Variants in ADAMTS7 observed in about 807,000 individuals in gnomAD.
The protein encoded by ADAMTS7 is A disintegrin and metalloproteinase with thrombospondin motifs 7.
A neutral mutation model predicts 172.6 loss-of-function variants in ADAMTS7; 89 were observed. That is an observed-to-expected ratio of 0.52 (90% CI 0.43 to 0.61). The LOEUF is 0.61. Ranked by LOEUF, ADAMTS7 falls within the 20% of genes least tolerant of loss-of-function variation. The pLI, the probability that ADAMTS7 is intolerant of heterozygous loss-of-function variation, is 0.00. For missense variants in ADAMTS7, 1,973 were observed against 2,355.6 expected (o/e 0.84, Z 3.36); for synonymous variants, 885 against 978.4 (o/e 0.90, Z 1.78).
At chr15:78,779,148 C>G (rs1376253461) in intron 8 of ADAMTS7, among the ~76,000 whole-genome samples, 1 of 152,174 alleles carries the variant, frequency 6.6e-6, no homozygotes, top group East Asian at 1.9e-4. Flanking sequence ...CCCTGGAATC[C>G]TCCTGGAATC....
At chr15:78,789,633 C>G in intron 7 of ADAMTS7, 56 bp downstream of exon 7, 1 of 1,600,870 alleles carries the variant, frequency 6.2e-7, no homozygotes, top group Non-Finnish European at 8.5e-7. Flanking sequence ...CCGGTGCCCC[C>G]AGGCTGCGAG....
At chr15:78,776,467 C>T in intron 10 of ADAMTS7, 134 bp from the exon 11 acceptor site, 3 of 1,268,296 alleles carry the variant, frequency 2.4e-6, no homozygotes, top group Non-Finnish European at 3.3e-6. Context: ...GAGGCACCCT[C>T]ACAATCATCA....
At chr15:78,786,325 A>T (rs2055502488) in intron 8 of ADAMTS7, among the ~76,000 whole-genome samples, 1 of 152,146 alleles carries the variant, frequency 6.6e-6, no homozygotes, top group Non-Finnish European at 1.5e-5. Flanking sequence ...TTGCTGCCCC[A>T]TTTGCATCTC....
Position 78,766,879 on chromosome 15 carries a change from G to A in ADAMTS7, c.3032C>T (p.Ser1011Phe). ...LGPEGSGSGS[S>F]SHELFNEADF... ...AGCCTCGTTGAAGAGCTCGTGGCTG[G>A]AGGAGCCGCTGCCTGAGCCTTCAGG... The change falls in exon 19 of 24, where the codon TCC becomes TTC. Residue 1011 changes from serine to phenylalanine, a missense_variant. Ser to Phe is a radical substitution (Grantham distance 155, BLOSUM62 -2). Coordinates refer to ENST00000388820, the MANE Select transcript of ADAMTS7 (RefSeq NM_014272.5). 1 of 1,609,468 alleles carries A rather than the reference G, an allele frequency of 6.2e-7. No homozygotes were observed. The highest frequency in any genetic ancestry group is 8.5e-7 in the Non-Finnish European group (1 of 1,178,962).
At chr15:78,765,533 C>T in intron 19 of ADAMTS7, 112 bp downstream of exon 19, 2 of 1,530,204 alleles carry the variant, frequency 1.3e-6, no homozygotes, top group Non-Finnish European at 1.8e-6. Context: ...ACCCCTGCCC[C>T]AAGAGAGGCT....
At chr15:78,759,694 CCA>C in intron 23 of ADAMTS7, 116 bp from the exon 24 acceptor site, 1 of 1,298,306 alleles carries the variant, frequency 7.7e-7, no homozygotes, top group Non-Finnish European at 1.0e-6. Context: ...GCAGAGAGCC[CCA>C]GTTTCTGGAG....
At chr15:78,761,784 C>A (rs1309982345) in intron 23 of ADAMTS7, 18 of 941,468 alleles carry the variant, frequency 1.9e-5, no homozygotes, top group Non-Finnish European at 2.3e-5. Context: ...ATGCTGGAGG[C>A]GGCGGCAGGG....
intron 8 of ADAMTS7, 86 bp downstream of exon 8, chr15:78,788,145 G>A: frequency 6.5e-7 from 1 of 1,548,318 alleles, no homozygotes; most frequent in Non-Finnish European, 8.8e-7. Context: ...CTCTACCCCG[G>A]CCCTGCAGTA....
At chr15:78,776,368 C>G (rs1254943128) in intron 10 of ADAMTS7, 35 bp from the exon 11 acceptor site, 2 of 1,597,398 alleles carry the variant, frequency 1.3e-6, no homozygotes, top group African/African-American at 1.3e-5. Context: ...CCACCCCACC[C>G]CCAAGTCTAT....
chr15:78,788,384 A>G lies in ADAMTS7; in HGVS notation c.1179-10T>C, dbSNP rs1386215469. The G allele has an allele frequency of 1.2e-6, 2 of 1,612,052 alleles. No individual in the cohort carries two copies. Among genetic ancestry groups the G allele is most frequent in the Non-Finnish European group, 8.5e-7 (1 of 1,179,698 alleles). On this transcript the variant is annotated splice_polypyrimidine_tract_variant and intron_variant, in intron 7 of 23. Coordinates refer to ENST00000388820, the MANE Select transcript of ADAMTS7 (RefSeq NM_014272.5). ...ATGCTGAATGCCAAAACTGTGTGAG[A>G]GCACAGGCCCCAGGGGCGGGTGAGC...
At chr15:78,765,543 T>G (rs2055125356) in intron 19 of ADAMTS7, 102 bp downstream of exon 19, 13 of 1,554,684 alleles carry the variant, frequency 8.4e-6, no homozygotes, top group East Asian at 6.7e-5. Context: ...CAAGAGAGGC[T>G]AGACAGACGG....
At chr15:78,775,649 C>T (rs2055331733) in intron 11 of ADAMTS7, among the ~76,000 whole-genome samples, 1 of 152,166 alleles carries the variant, frequency 6.6e-6, no homozygotes, top group Non-Finnish European at 1.5e-5. Context: ...CTCCCAGCTG[C>T]TCCGTCTCAT....
intron 8 of ADAMTS7, among the ~76,000 whole-genome samples, chr15:78,786,501 T>G (rs2055504449): frequency 6.6e-6 from 1 of 152,216 alleles, no homozygotes; most frequent in Admixed American, 6.5e-5. Context: ...TTACTTCAAA[T>G]GCAGAAAGAA....
intron 8 of ADAMTS7, among the ~76,000 whole-genome samples, chr15:78,777,933 G>C (rs1326527996): frequency 6.6e-6 from 1 of 152,174 alleles, no homozygotes; most frequent in Non-Finnish European, 1.5e-5. Context: ...CTCCGTGTCT[G>C]AGCCCAGACC....
rs1390606397 is a variant in ADAMTS7 at position 78,776,762 on chromosome 15, C to T, written c.1547G>A (p.Cys516Tyr). The T allele has an allele frequency of 2.6e-6, 4 of 1,550,786 alleles. No individual in the cohort carries two copies. The Admixed American group carries it at 5.9e-5, about 23-fold the overall frequency. Residue 516 changes from cysteine (C) to tyrosine (Y), a missense_variant, in exon 10 of 24, where the codon TGT (cysteine) becomes TAT (tyrosine). This residue lies in a region of ADAMTS7 where 526 missense variants were observed against 662.9 expected (regional missense o/e 0.79). Transcript: ENST00000388820. ...KLDAAVDGTRCGENKWCLSGE... is the reference protein window; with the variant it reads ...KLDAAVDGTRYGENKWCLSGE... ...GACATCCCCTACCTTATTCTCCCCA[C>T]ACCGGGTGCCGTCCACAGCTGCATC...
At chr15:78,791,104 C>A in intron 5 of ADAMTS7, 36 bp downstream of exon 5, 1 of 1,598,724 alleles carries the variant, frequency 6.3e-7, no homozygotes. Context: ...CAGCCGAAGC[C>A]ATTGCCGGGC....
rs780033874 is a variant in ADAMTS7 at position 78,764,550 on chromosome 15, C to T, written c.4419+5G>A. The T allele has an allele frequency of 1.1e-5, 17 of 1,544,646 alleles. No individual in the cohort carries two copies. Among genetic ancestry groups the T allele is most frequent in the Middle Eastern group, 2.3e-4 (1 of 4,360 alleles). On this transcript the variant is annotated splice_donor_5th_base_variant and intron_variant, in intron 20 of 23. Coordinates refer to ENST00000388820, the MANE Select transcript of ADAMTS7 (RefSeq NM_014272.5). ...AATGCCTGTCCTGGCTCCATCCTCA[C>T]GCACCTTACTCCAGTTGCCTGAGTG...
chr15:78,767,407 G>A lies in ADAMTS7; in HGVS notation c.2831C>T (p.Ala944Val). 6.2e-7 allele frequency: 1 copy of A among 1,611,872 alleles called. No individual in the cohort carries two copies. The highest frequency in any genetic ancestry group is 1.1e-5 in the South Asian group (1 of 90,990). ...TPCNRHVPCP[A>V]TWAVGNWSQC... ...AGACCAGTTCCCCACAGCCCAGGTG[G>A]CCGGACAGGGTACATGGCGGTTGCA... The change falls in exon 18 of 24, where the codon GCC becomes GTC. Residue 944 changes from alanine to valine, a missense_variant. Ala to Val is a moderately conservative substitution (Grantham distance 64). Coordinates refer to ENST00000388820, the MANE Select transcript of ADAMTS7 (RefSeq NM_014272.5).
At chr15:78,790,979 G>C (rs572215151) in intron 5 of ADAMTS7, among the ~76,000 whole-genome samples, 161 bp downstream of exon 5, 2 of 152,322 alleles carry the variant, frequency 1.3e-5, no homozygotes, top group African/African-American at 4.8e-5. Flanking sequence ...CCTGGGACCT[G>C]AGAGAGGGTC....
Sources: gnomAD v4.1 joint callset for allele counts (sites outside exome capture counted in the v4.1 genomes callset) on GRCh38, gnomAD v4.1.1 for gene constraint, gnomAD v4.1.1 regional missense constraint, MANE v1.5 for transcripts, NCBI Gene and HGNC (gene_info 2026-07-23, HGNC 2026-07-21) for gene names.